TRIM15: variants seen among roughly 807,000 people sequenced by gnomAD.
TRIM15 encodes tripartite motif containing 15.
TRIM15 carries 35 observed loss-of-function variants against 35.8 expected under a neutral mutation model. That is an observed-to-expected ratio of 0.98 (90% confidence interval 0.75 to 1.30). The LOEUF is 1.30. Among genes scored for constraint, TRIM15 ranks in the 50% most tolerant of loss-of-function variants. The pLI is 0.00. For missense variants in TRIM15, 590 were observed against 593.5 expected, an observed-to-expected ratio of 0.99 and a Z score of 0.06; for synonymous variants, 252 against 249.8, an observed-to-expected ratio of 1.01 and a Z score of -0.08.
chr6:30,168,560 A>G (rs758051053), intron 3 of TRIM15, 30 bp downstream of exon 3: 3 of 1,550,920 alleles, frequency 1.9e-6, no homozygotes, highest in Middle Eastern at 1.7e-4. Context: ...TTTGTAGGAT[A>G]AGAGAGGGAC....
At chr6:30,169,098 T>A (rs1478410156) in intron 3 of TRIM15, 143 bp from the exon 4 acceptor site, 1 of 926,054 alleles carries the variant, frequency 1.1e-6, no homozygotes, top group African/African-American at 1.7e-5. Flanking sequence ...AAAAGAACAA[T>A]CTAATGAGTA....
rs1562153368 is a variant in TRIM15, at chr6:30,171,952, G to A, written c.1001G>A (p.Gly334Asp). Reference protein sequence around the residue: ...SLPDSPLRFDGLPAVLGFPGF... With the variant: ...SLPDSPLRFDDLPAVLGFPGF... The stretch of plus-strand genomic sequence containing the variant: ...CCAGACAGCCCCCTGCGCTTCGACG[G>A]CCTCCCGGCGGTTCTGGGCTTCCCG... The change falls in exon 7 of 7, where the codon GGC becomes GAC. Residue 334 changes from glycine to aspartate, a missense_variant. Physicochemically the swap from Gly to Asp is moderately conservative, Grantham distance 94. Coordinates refer to ENST00000376694, the MANE Select transcript of TRIM15 (RefSeq NM_033229.3). 1.3e-6 allele frequency: 2 copies of A among 1,594,388 alleles called. No individual in the cohort carries two copies. The highest frequency in any genetic ancestry group is 2.3e-5 in the East Asian group (1 of 43,890).
Position 30,168,482 on chromosome 6 carries a change from C to A in TRIM15, c.660C>A (p.Val220=). Residue 220 remains valine, a synonymous_variant, in exon 3 of 7, where the codon GTC becomes GTA. Transcript: ENST00000376694. The part of the protein sequence containing the change: ...SEEVTRLGAQ[V]KELEEKCQQP... ...AAGTCACCCGGCTTGGAGCCCAGGTCAAGGAGCTGGAGGAGAAGTGTCAGC... is the reference window on the plus strand; with the variant it reads ...AAGTCACCCGGCTTGGAGCCCAGGTAAAGGAGCTGGAGGAGAAGTGTCAGC... The A allele has an allele frequency of 6.2e-7, 1 of 1,609,790 alleles. No individual in the cohort carries two copies. Among genetic ancestry groups the A allele is most frequent in the Non-Finnish European group, 8.5e-7 (1 of 1,178,398 alleles).
chr6:30,165,425 A>T (rs921886800), intron 1 of TRIM15, among the ~76,000 whole-genome samples: 1 of 152,222 alleles, frequency 6.6e-6, no homozygotes, highest in African/African-American at 2.4e-5. Flanking sequence ...CCTGCAAAGG[A>T]CATGAACACA....
intron 4 of TRIM15, chr6:30,169,517 G>A (rs1773863638): frequency 1.4e-6 from 1 of 695,490 alleles, no homozygotes; most frequent in East Asian, 2.7e-5. Context: ...TAATAATCAT[G>A]TTTTTAGGTT....
In TRIM15 at chr6:30,163,735, C is replaced by T; in HGVS notation, c.51C>T (p.Thr17=). ...TGGTCCATGAGCTGCCTGCCTGTAC[C>T]CTCTGTGCGGGGCCGCTGGAGGATG... ...LKVVHELPAC[T]LCAGPLEDAV... The change falls in exon 1 of 7, where the codon ACC becomes ACT. Residue 17 remains threonine (T), a synonymous_variant. Transcript: ENST00000376694. 6.2e-7 allele frequency: 1 copy of T among 1,612,954 alleles called. No individual in the cohort carries two copies. The highest frequency in any genetic ancestry group is 8.5e-7 in the Non-Finnish European group (1 of 1,180,010).
Position 30,172,074 on chromosome 6 carries a change from A to C in TRIM15, c.1123A>C (p.Lys375Gln), listed in dbSNP as rs540671208. Residue 375 changes from lysine (K) to glutamine (Q), a missense_variant, in exon 7 of 7, where the codon AAG becomes CAG. Physicochemically the swap from Lys to Gln is moderately conservative, Grantham distance 53 (BLOSUM62 1). Coordinates refer to ENST00000376694, the MANE Select transcript of TRIM15 (RefSeq NM_033229.3). ...VGVAGEGVRR[K>Q]GEMGLSAEDG... ...GGTGGCCGGGGAGGGGGTGAGGAGG[A>C]AGGGAGAGATGGGACTCAGCGCCGA... The C allele has an allele frequency of 1.3e-6, 2 of 1,573,664 alleles. No individual in the cohort carries two copies. Among genetic ancestry groups the C allele is most frequent in the Middle Eastern group, 1.7e-4 (1 of 5,828 alleles).
chr6:30,169,446 T>C, intron 4 of TRIM15, 183 bp downstream of exon 4: 1 of 735,846 alleles, frequency 1.4e-6, no homozygotes, highest in Non-Finnish European at 2.4e-6. Flanking sequence ...TAAAGGTTCA[T>C]TTTTAAATTG....
At chr6:30,165,452 A>G (rs1773529921) in intron 1 of TRIM15, among the ~76,000 whole-genome samples, 1 of 152,226 alleles carries the variant, frequency 6.6e-6, no homozygotes. Flanking sequence ...TTATGCCTGC[A>G]TAGTATTCCA....
Position 30,170,679 on chromosome 6 carries a change from T to C in TRIM15, c.847+63T>C. On this transcript the variant is annotated intron_variant, in intron 5 of 6. Transcript: ENST00000376694. ...TAGCTGCCCTCCTGTCTTCCACCCA[T>C]CTCCATCCTTCTCTGCCCTTGAAAC... 2.4e-6 allele frequency: 3 copies of C among 1,273,982 alleles called. No homozygotes were observed. In the South Asian group the frequency reaches 3.9e-5, roughly 16 times the overall value. The allele number at this position is 1,273,982 out of a possible 1,614,324, so 78.9% of individuals were successfully genotyped here.
At chr6:30,164,197 G>C in intron 1 of TRIM15, 132 bp downstream of exon 1, 5 of 1,325,352 alleles carry the variant, frequency 3.8e-6, no homozygotes, top group Non-Finnish European at 5.0e-6. Flanking sequence ...GGACTTTCGA[G>C]GCATTCCCAG....
chr6:30,165,617 C>A (rs1773543374), intron 1 of TRIM15, among the ~76,000 whole-genome samples: 1 of 152,164 alleles, frequency 6.6e-6, no homozygotes, highest in Non-Finnish European at 1.5e-5. Flanking sequence ...GGTATATACC[C>A]AGTAATGGGA....
At position 30,172,136 on chromosome 6, in the gene TRIM15, G is replaced by T; in HGVS notation, c.1185G>T (p.Gln395His). 1 of 1,586,196 alleles carries T rather than the reference G, an allele frequency of 6.3e-7. No homozygotes were observed. The highest frequency in any genetic ancestry group is 8.6e-7 in the Non-Finnish European group (1 of 1,166,700). Residue 395 changes from glutamine to histidine, a missense_variant, in exon 7 of 7, where the codon CAG (glutamine) becomes CAT (histidine). Gln to His is a conservative substitution (Grantham distance 24). Coordinates refer to ENST00000376694, the MANE Select transcript of TRIM15 (RefSeq NM_033229.3). Reference protein sequence around the residue: ...GVWAVIISHQQCWASTSPGTD... With the variant: ...GVWAVIISHQHCWASTSPGTD... ...GGGCCGTGATCATCTCGCACCAGCA[G>T]TGCTGGGCCAGCACCTCCCCGGGCA...
chr6:30,171,717 C>A, intron 6 of TRIM15, 115 bp from the exon 7 acceptor site: 1 of 1,348,258 alleles, frequency 7.4e-7, no homozygotes, highest in Non-Finnish European at 9.8e-7. Context: ...AGAGAAGTGG[C>A]CCAATGGCAG....
rs9261536 is a variant in TRIM15, at chr6:30,163,572, T to C, written c.-113T>C. On this transcript the variant is annotated 5_prime_UTR_variant, in exon 1 of 7. Transcript: ENST00000376694. ...TCTCTCTTTCTCTCTCTCTGTCTCT[T>C]AGCCTTGCAGCCGTTTCCCTCTGCG... The C allele has an allele frequency of 0.74, 969,014 of 1,300,994 alleles. 366,084 individuals are homozygous for C. The highest frequency in any genetic ancestry group is 0.89 in the African/African-American group (61,150 of 68,894). The allele number at this position is 1,300,994 out of a possible 1,614,324, so 80.6% of individuals were successfully genotyped here.
In TRIM15 at chr6:30,172,256, G is replaced by A; in HGVS notation, c.1305G>A (p.Glu435=). The A allele has an allele frequency of 2.5e-6, 4 of 1,612,868 alleles. No individual in the cohort carries two copies. Among genetic ancestry groups the A allele is most frequent in the Non-Finnish European group, 3.4e-6 (4 of 1,179,918 alleles). ...CCCTCCACAACGCCCAGACCCAGGA[G>A]CCCATCTTCACCTTCACTGCCTCTT... ...QVTLHNAQTQ[E]PIFTFTASFS... The change falls in exon 7 of 7, where the codon GAG becomes GAA. Residue 435 remains glutamate, a synonymous_variant. Transcript: ENST00000376694.
In TRIM15 at chr6:30,170,056, G is replaced by A. The variant is rs567582713; in HGVS notation, c.732-445G>A. Among the ~76,000 whole-genome samples the A allele has an allele frequency of 3.3e-5, 5 of 152,302 alleles. No homozygotes were observed. In the East Asian group the frequency reaches 5.8e-4, roughly 18 times the overall value. ...AAGTGTCTAATGAGGACTGAGCTGG[G>A]ACCAGAATCAGGAGTTTTTTTCATT... On this transcript the variant is annotated intron_variant, in intron 4 of 6. Transcript: ENST00000376694.
intron 5 of TRIM15, 91 bp downstream of exon 5, chr6:30,170,707 G>A: frequency 9.6e-7 from 1 of 1,044,948 alleles, no homozygotes; most frequent in Non-Finnish European, 1.4e-6. Flanking sequence ...CTTGAAACCT[G>A]GCTCGAGACA....
intron 5 of TRIM15, 96 bp from the exon 6 acceptor site, chr6:30,170,880 C>T: frequency 7.1e-7 from 1 of 1,407,232 alleles, no homozygotes; most frequent in East Asian, 2.3e-5. Flanking sequence ...GTCTTCTGTC[C>T]TCATCTTCAC....
Sources: allele counts gnomAD v4.1 joint callset (sites outside exome capture counted in the v4.1 genomes callset), GRCh38; gene constraint gnomAD v4.1.1; transcripts MANE v1.5; gene names NCBI Gene and HGNC (gene_info 2026-07-23, HGNC 2026-07-21).